Variants in CSMD1 observed in about 807,000 individuals in gnomAD.
CSMD1 encodes CUB and Sushi multiple domains 1.
A neutral mutation model predicts 417.5 loss-of-function variants in CSMD1; 213 were observed. That is an observed-to-expected ratio of 0.51 (90% CI 0.46 to 0.57). The LOEUF (loss-of-function observed/expected upper bound fraction) is 0.57, where lower values mean the gene tolerates loss of function less well. Ranked by LOEUF, CSMD1 falls within the 20% of genes least tolerant of loss-of-function variation. The pLI is 0.00. For missense variants in CSMD1, 6,923 were observed against 4,529.7 expected (o/e 1.53, Z -15.17); for synonymous variants, 2,862 against 1,736.8 (o/e 1.65, Z -16.11).
Position 3,590,451 on chromosome 8 carries a change from T to A in CSMD1, c.1098-4191A>T, listed in dbSNP as rs963430331. On this transcript the variant is annotated intron_variant, in intron 8 of 69. Coordinates refer to ENST00000635120, the MANE Select transcript of CSMD1 (RefSeq NM_033225.6). ...CTCAGATTTCCACCAAAGGAAAGTT[T>A]TCAAAGACTAGTTCAGTGGAGAGCG... 5.3e-5 allele frequency among the ~76,000 whole-genome samples: 8 copies of A among 152,260 alleles called. No homozygotes were observed. In the South Asian group the frequency reaches 1.7e-3, roughly 32 times the overall value.
chr8:4,155,940 C>T (rs1359830101), intron 3 of CSMD1, among the ~76,000 whole-genome samples: 1 of 152,162 alleles, frequency 6.6e-6, no homozygotes, highest in Admixed American at 6.5e-5. Flanking sequence ...CCCAGGTGTT[C>T]TGCAGCTGCA....
At chr8:4,965,252 T>C (rs1029514940) in intron 1 of CSMD1, among the ~76,000 whole-genome samples, 8 of 152,220 alleles carry the variant, frequency 5.3e-5, no homozygotes, top group Non-Finnish European at 1.0e-4. Flanking sequence ...AATGTTCCCA[T>C]TGATAACAAT....
intron 8 of CSMD1, among the ~76,000 whole-genome samples, chr8:3,607,894 G>A (rs1469159416): frequency 2.0e-5 from 3 of 152,202 alleles, no homozygotes; most frequent in African/African-American, 2.4e-5. Context: ...AAGTAGCCAG[G>A]CACAGTGGTT....
At chr8:4,685,086 T>C (rs1258436962) in intron 1 of CSMD1, among the ~76,000 whole-genome samples, 2 of 152,202 alleles carry the variant, frequency 1.3e-5, no homozygotes, top group Non-Finnish European at 2.9e-5. Flanking sequence ...AACTCCAACA[T>C]ATTTACTGCC....
intron 1 of CSMD1, among the ~76,000 whole-genome samples, chr8:4,870,233 A>T (rs1193422971): frequency 6.6e-6 from 1 of 152,160 alleles, no homozygotes; most frequent in Non-Finnish European, 1.5e-5. Context: ...CCCACAACTC[A>T]AAAGTAAAAA....
At chr8:4,175,968 T>C (rs1157622209) in intron 3 of CSMD1, among the ~76,000 whole-genome samples, 1 of 152,172 alleles carries the variant, frequency 6.6e-6, no homozygotes, top group Admixed American at 6.5e-5. Flanking sequence ...GCAGCTGGGC[T>C]TCTCTCATTG....
intron 17 of CSMD1, among the ~76,000 whole-genome samples, chr8:3,390,617 G>A (rs1238389699): frequency 1.3e-5 from 2 of 151,442 alleles, no homozygotes; most frequent in Non-Finnish European, 2.9e-5. Flanking sequence ...GAACCTTAAA[G>A]CAACAATGAA....
intron 3 of CSMD1, among the ~76,000 whole-genome samples, chr8:4,314,439 G>A (rs1444531792): frequency 1.3e-5 from 2 of 152,178 alleles, no homozygotes; most frequent in African/African-American, 4.8e-5. Flanking sequence ...GCAGTATGGG[G>A]TGTTTTAAAA....
At chr8:3,659,261 C>T (rs1178256127) in intron 7 of CSMD1, among the ~76,000 whole-genome samples, 2 of 152,138 alleles carry the variant, frequency 1.3e-5, no homozygotes, top group Admixed American at 6.6e-5. Flanking sequence ...AACATGATAA[C>T]AAAGACTACC....
chr8:3,440,574 C>T (rs895531819), intron 12 of CSMD1, among the ~76,000 whole-genome samples: 10 of 152,112 alleles, frequency 6.6e-5, no homozygotes, highest in African/African-American at 1.9e-4. Flanking sequence ...TCTATCTAGA[C>T]GATCACGTTA....
chr8:3,816,740 C>T (rs1448779150), intron 5 of CSMD1, among the ~76,000 whole-genome samples: 2 of 152,034 alleles, frequency 1.3e-5, no homozygotes, highest in East Asian at 3.9e-4. Context: ...TGACCAGAAC[C>T]TTGAAAATAT....
intron 7 of CSMD1, among the ~76,000 whole-genome samples, chr8:3,680,397 T>C (rs1799589056): frequency 6.6e-6 from 1 of 152,146 alleles, no homozygotes. Flanking sequence ...CATCAGAGAA[T>C]ACTATTAACA....
At chr8:4,254,311 G>A (rs903052382) in intron 3 of CSMD1, among the ~76,000 whole-genome samples, 3 of 151,988 alleles carry the variant, frequency 2.0e-5, no homozygotes, top group South Asian at 2.1e-4. Context: ...TCAGGAATTC[G>A]ATTATTGATA....
chr8:3,460,055 G>A (rs1376050278), intron 12 of CSMD1, among the ~76,000 whole-genome samples: 2 of 152,162 alleles, frequency 1.3e-5, no homozygotes, highest in African/African-American at 4.8e-5. Context: ...GCATAAAGAG[G>A]TCCTTGCATT....
At chr8:4,081,801 T>C (rs116916778) in intron 3 of CSMD1, among the ~76,000 whole-genome samples, 1,629 of 152,086 alleles carry the variant, frequency 0.011, 23 homozygotes, top group South Asian at 0.02. Flanking sequence ...GAATACACAA[T>C]GGATCAAATA....
At position 4,433,101 on chromosome 8, in the gene CSMD1, C is replaced by G. The variant is rs377096482; in HGVS notation, c.303-13036G>C. 2.0e-4 allele frequency among the ~76,000 whole-genome samples: 31 copies of G among 152,300 alleles called. No individual in the cohort carries two copies. The South Asian group carries it at 6.0e-3, about 30-fold the overall frequency. ...AATGCCTGATGATCTGTCATTGTCT[C>G]CCATCACCTCCAGATGGGACTGACC... On this transcript the variant is annotated intron_variant, in intron 2 of 69. Transcript: ENST00000635120.
At position 4,157,381 on chromosome 8, in the gene CSMD1, C is replaced by A. The variant is rs574147353; in HGVS notation, c.416-125282G>T. 1.8e-4 allele frequency among the ~76,000 whole-genome samples: 27 copies of A among 152,286 alleles called. 1 individual carries two copies. The South Asian group carries it at 4.3e-3, about 25-fold the overall frequency. On this transcript the variant is annotated intron_variant, in intron 3 of 69. Coordinates refer to ENST00000635120, the MANE Select transcript of CSMD1 (RefSeq NM_033225.6). ...CTTTGAAGAAAATGTTTATTCACGC[C>A]AGCTCAAAGGTTGAATTGAAAATTT...
chr8:4,334,966 C>T (rs777167275), intron 3 of CSMD1, among the ~76,000 whole-genome samples: 1 of 152,120 alleles, frequency 6.6e-6, no homozygotes, highest in South Asian at 2.1e-4. Flanking sequence ...GACAGTAAAA[C>T]CAGTGTCCTC....
intron 1 of CSMD1, among the ~76,000 whole-genome samples, chr8:4,976,628 A>G (rs559077820): frequency 1.3e-5 from 2 of 152,322 alleles, no homozygotes; most frequent in African/African-American, 4.8e-5. Flanking sequence ...ATTGTGTGCT[A>G]AACTCATTTG....
Sources: allele counts gnomAD v4.1 joint callset (sites outside exome capture counted in the v4.1 genomes callset), GRCh38; gene constraint gnomAD v4.1.1; transcripts MANE v1.5; gene names NCBI Gene and HGNC (gene_info 2026-07-23, HGNC 2026-07-21).